Variants in ROBO2 observed in about 807,000 individuals in gnomAD.
ROBO2 encodes roundabout homolog 2.
Under a neutral mutation model 160.8 loss-of-function variants are expected in ROBO2, and 53 were observed. That is an observed-to-expected ratio of 0.33 (90% CI 0.26 to 0.41). ROBO2 has a LOEUF of 0.41. Among genes scored for constraint, ROBO2 ranks in the 10% least tolerant of loss-of-function variants. ROBO2 has a pLI of 1.00. For synonymous variants in ROBO2, 664 were observed against 611.7 expected (o/e 1.09, Z -1.26); for missense variants, 1,577 against 1,722.4 (o/e 0.92, Z 1.49).
At chr3:76,709,086 A>G (rs112700619) in intron 2 of ROBO2, among the ~76,000 whole-genome samples, 1 of 152,302 alleles carries the variant, frequency 6.6e-6, no homozygotes, top group South Asian at 2.1e-4. Context: ...TATATCCTAA[A>G]TCTGAGCTCT....
chr3:75,907,770 G>C (rs1280842405), intron 1 of ROBO2, among the ~76,000 whole-genome samples: 2 of 152,098 alleles, frequency 1.3e-5, no homozygotes, highest in African/African-American at 4.8e-5. Flanking sequence ...GAGAAATTCT[G>C]GGCGTGAAAT....
intron 5 of ROBO2, among the ~76,000 whole-genome samples, chr3:77,499,785 A>T (rs1192572895): frequency 6.6e-6 from 1 of 151,184 alleles, no homozygotes; most frequent in Non-Finnish European, 1.5e-5. Flanking sequence ...AGTAGCTGGG[A>T]CTATAGGCGC....
At chr3:76,700,122 A>G (rs1283917445) in intron 2 of ROBO2, among the ~76,000 whole-genome samples, 1 of 151,942 alleles carries the variant, frequency 6.6e-6, no homozygotes, top group African/African-American at 2.4e-5. Context: ...CACAATCCTC[A>G]CACTCCTCTG....
chr3:77,411,507 G>A (rs77872416), intron 2 of ROBO2, among the ~76,000 whole-genome samples: 1 of 152,134 alleles, frequency 6.6e-6, no homozygotes, highest in Admixed American at 6.5e-5. Flanking sequence ...GACTTGCTAA[G>A]TAAGTTATGG....
chr3:77,496,906 T>G (rs575999359), intron 5 of ROBO2, among the ~76,000 whole-genome samples: 1 of 152,210 alleles, frequency 6.6e-6, no homozygotes, highest in African/African-American at 2.4e-5. Flanking sequence ...CCTCTTTCTT[T>G]TATTTAGTCT....
chr3:76,195,881 G>T (rs1702237403), intron 2 of ROBO2, among the ~76,000 whole-genome samples: 1 of 152,152 alleles, frequency 6.6e-6, no homozygotes, highest in African/African-American at 2.4e-5. Flanking sequence ...GTTTAAGGAA[G>T]TGCCACTTAC....
chr3:76,099,292 A>C (rs1468612160), intron 2 of ROBO2, among the ~76,000 whole-genome samples: 4 of 152,110 alleles, frequency 2.6e-5, no homozygotes, highest in Non-Finnish European at 5.9e-5. Flanking sequence ...TGACAGAATT[A>C]GTATTTAAGG....
chr3:76,265,854 A>G (rs892077895), intron 2 of ROBO2, among the ~76,000 whole-genome samples: 5 of 152,174 alleles, frequency 3.3e-5, no homozygotes, highest in African/African-American at 7.2e-5. Flanking sequence ...TTTAACTTAT[A>G]TGATTTTCTG....
chr3:77,447,069 G>T (rs1004344550), intron 2 of ROBO2, among the ~76,000 whole-genome samples: 2 of 152,090 alleles, frequency 1.3e-5, no homozygotes, highest in African/African-American at 2.4e-5. Flanking sequence ...AAGGAAAAAT[G>T]AGATCAGAGT....
At position 77,206,945 on chromosome 3, in the gene ROBO2, G is replaced by A. The variant is rs551096197; in HGVS notation, c.388+108605G>A. On this transcript the variant is annotated intron_variant, in intron 2 of 25. Coordinates refer to ENST00000461745, the Ensembl canonical transcript of ROBO2. ...GCTATGCATTATGTGGGACCAGCTC[G>A]TTAATGGTACACAGTATTTTTTCTG... Among the ~76,000 whole-genome samples, 485 of 152,174 alleles carry A rather than the reference G, an allele frequency of 3.2e-3. 1 individual carries two copies. Among genetic ancestry groups the A allele is most frequent in the African/African-American group, 0.011 (460 of 41,530 alleles).
At chr3:76,099,194 G>A (rs1222967249) in intron 2 of ROBO2, among the ~76,000 whole-genome samples, 1 of 152,000 alleles carries the variant, frequency 6.6e-6, no homozygotes, top group Non-Finnish European at 1.5e-5. Context: ...TGTGAGTTTA[G>A]CCGTTCCTTT....
intron 6 of ROBO2, among the ~76,000 whole-genome samples, chr3:77,541,399 A>G (rs1397700961): frequency 6.6e-6 from 1 of 152,208 alleles, no homozygotes; most frequent in Non-Finnish European, 1.5e-5. Flanking sequence ...TTAGCATAAC[A>G]GAGCTGCAGC....
chr3:76,961,879 ATTCT>A (rs1159490781), intron 2 of ROBO2, among the ~76,000 whole-genome samples: 1 of 152,142 alleles, frequency 6.6e-6, no homozygotes, highest in Non-Finnish European at 1.5e-5. Flanking sequence ...TCAGCGATTC[ATTCT>A]TTGTCAACAT....
At chr3:77,491,176 A>G (rs1190174480) in intron 4 of ROBO2, among the ~76,000 whole-genome samples, 3 of 152,142 alleles carry the variant, frequency 2.0e-5, no homozygotes, top group Admixed American at 1.3e-4. Context: ...CCACTTAGTG[A>G]AAGCCTCTAG....
chr3:76,096,991 G>A (rs1185906504), intron 2 of ROBO2, among the ~76,000 whole-genome samples: 1 of 152,078 alleles, frequency 6.6e-6, no homozygotes, highest in Non-Finnish European at 1.5e-5. Context: ...TAACTCTCTA[G>A]TTCTGTTCTC....
intron 2 of ROBO2, among the ~76,000 whole-genome samples, chr3:76,365,433 A>G (rs1005777588): frequency 6.6e-6 from 1 of 152,040 alleles, no homozygotes; most frequent in Non-Finnish European, 1.5e-5. Context: ...ATTGAGATTC[A>G]ATTACCACAT....
At chr3:76,344,871 G>T (rs142653837) in intron 2 of ROBO2, among the ~76,000 whole-genome samples, 14 of 152,232 alleles carry the variant, frequency 9.2e-5, no homozygotes, top group African/African-American at 3.4e-4. Context: ...TCCATCCAGG[G>T]TGTTTAATAC....
intron 2 of ROBO2, among the ~76,000 whole-genome samples, chr3:77,434,616 G>T (rs981938652): frequency 5.3e-5 from 8 of 151,980 alleles, no homozygotes; most frequent in Non-Finnish European, 1.0e-4. Flanking sequence ...CAGACCCTCA[G>T]ACCATGTACT....
chr3:76,192,152 T>A (rs1434915405), intron 2 of ROBO2, among the ~76,000 whole-genome samples: 1 of 151,580 alleles, frequency 6.6e-6, no homozygotes, highest in Non-Finnish European at 1.5e-5. Flanking sequence ...TTAGTGCCCT[T>A]AGTAACCTGA....
Sources: allele counts gnomAD v4.1 joint callset (sites outside exome capture counted in the v4.1 genomes callset), GRCh38; gene constraint gnomAD v4.1.1; transcripts MANE v1.5; gene names NCBI Gene and HGNC (gene_info 2026-07-23, HGNC 2026-07-21).